The following PKD1L1 variants were observed in gnomAD, a reference collection of about 807,000 sequenced individuals.
The protein encoded by PKD1L1 is polycystin-1-like protein 1.
A neutral mutation model predicts 323.4 loss-of-function variants in PKD1L1; 236 were observed. That is an observed-to-expected ratio of 0.73 (90% CI 0.66 to 0.81). The LOEUF is 0.81. Ranked by LOEUF, PKD1L1 falls within the 40% of genes least tolerant of loss-of-function variation. The pLI is 0.00. For synonymous variants in PKD1L1, 1,344 were observed against 1,335.0 expected (o/e 1.01, Z -0.15); for missense variants, 3,320 against 3,508.0 (o/e 0.95, Z 1.35).
intron 12 of PKD1L1, 123 bp from the exon 13 acceptor site, chr7:47,902,634 A>G (rs1787117912): frequency 8.2e-7 from 1 of 1,220,596 alleles, no homozygotes; most frequent in Non-Finnish European, 1.1e-6. Flanking sequence ...CATCCCATGA[A>G]TAAGAACAGA....
In PKD1L1 at chr7:47,833,386, T is replaced by C; in HGVS notation, c.6175-134A>G. On this transcript the variant is annotated intron_variant, in intron 40 of 56. Transcript: ENST00000289672. ...GGGCGGGGTGTGGTGCTGAGGCCTC[T>C]AAAGACTTCTGAGGGAGGAAGCACA... is the stretch of plus-strand genomic sequence containing the variant. 12 of 957,192 alleles carry C rather than the reference T, an allele frequency of 1.3e-5. No individual in the cohort carries two copies. In the South Asian group the frequency reaches 1.7e-4, roughly 13 times the overall value. The allele number at this position is 957,192 out of a possible 1,614,324, so 59.3% of individuals were successfully genotyped here.
At chr7:47,843,270 G>A (rs1354733953) in intron 33 of PKD1L1, 101 bp from the exon 34 acceptor site, 4 of 879,096 alleles carry the variant, frequency 4.6e-6, no homozygotes, top group East Asian at 5.2e-5. Flanking sequence ...AAAAGTCCCT[G>A]CTGGGCTTCA....
chr7:47,819,643 G>GAAA (rs760100256), intron 46 of PKD1L1: 14 of 822,206 alleles, frequency 1.7e-5, no homozygotes, highest in Admixed American at 9.9e-5. Context: ...ATGCTCAGCA[G>GAAA]AAAAAAAAAA....
intron 56 of PKD1L1, among the ~76,000 whole-genome samples, chr7:47,788,415 T>C (rs922085044): frequency 1.3e-5 from 2 of 149,832 alleles, no homozygotes; most frequent in Admixed American, 1.3e-4. Context: ...CTCAGCCTCC[T>C]GAGTAGTGGG....
chr7:47,851,497 A>G (rs553065101), intron 31 of PKD1L1, among the ~76,000 whole-genome samples: 2 of 152,324 alleles, frequency 1.3e-5, no homozygotes, highest in South Asian at 2.1e-4. Flanking sequence ...GCTCTTCTTT[A>G]CTGAAGAATG....
chr7:47,926,370 A>T (rs1787656966), intron 7 of PKD1L1, among the ~76,000 whole-genome samples: 1 of 152,114 alleles, frequency 6.6e-6, no homozygotes, highest in African/African-American at 2.4e-5. Context: ...CCTGACCCCC[A>T]TCTTTGAGTT....
Position 47,834,271 on chromosome 7 carries a change from G to C in PKD1L1, c.6174+68C>G. 3 of 1,493,156 alleles carry C rather than the reference G, an allele frequency of 2.0e-6. No homozygotes were observed. In the South Asian group the frequency reaches 3.5e-5, roughly 17 times the overall value. The allele number at this position is 1,493,156 out of a possible 1,614,324, so 92.5% of individuals were successfully genotyped here. ...GGCCAGACCATAGCCAAGGGAGGAT[G>C]CCAGAGAAATCTAATTGTTTGCATT... is the stretch of plus-strand genomic sequence containing the variant. On this transcript the variant is annotated intron_variant, in intron 40 of 56. Transcript: ENST00000289672.
Position 47,836,923 on chromosome 7 carries a change from G to A in PKD1L1, c.5941C>T (p.Gln1981Ter). 6.2e-7 allele frequency: 1 copy of A among 1,613,462 alleles called. No individual in the cohort carries two copies. Among genetic ancestry groups the A allele is most frequent in the South Asian group, 1.1e-5 (1 of 90,968 alleles). ...TALVAAGGQEQPHLDVSPTLG... is the reference protein window; with the variant it reads ...TALVAAGGQE The stretch of plus-strand genomic sequence containing the variant: ...TAAGGAAAAGCGATGGCTCTCACCT[G>A]CTCTTGCCCTCCAGCAGCAACCAGG... Residue 1981 changes from glutamine to a stop codon, truncating the protein, a stop_gained and splice_region_variant, in exon 37 of 57, where the codon CAG (glutamine) becomes TAG (stop). Coordinates refer to ENST00000289672, the MANE Select transcript of PKD1L1 (RefSeq NM_138295.5). LOFTEE classifies it high-confidence loss of function.
At position 47,853,241 on chromosome 7, in the gene PKD1L1, A is replaced by G. The variant is rs778620487; in HGVS notation, c.4860-14T>C. 10 of 1,523,568 alleles carry G rather than the reference A, an allele frequency of 6.6e-6. No individual in the cohort carries two copies. The highest frequency in any genetic ancestry group is 7.3e-6 in the Non-Finnish European group (8 of 1,099,438). The allele number at this position is 1,523,568 out of a possible 1,614,324, so 94.4% of individuals were successfully genotyped here. A position where few individuals can be genotyped will look rare whatever the true frequency, so the allele number is the denominator to read the frequency against. On this transcript the variant is annotated splice_polypyrimidine_tract_variant and intron_variant, in intron 30 of 56. Coordinates refer to ENST00000289672, the MANE Select transcript of PKD1L1 (RefSeq NM_138295.5). ...TTCTCAGAGAATCTAGGAGATAAAA[A>G]CAAAATAGGGATTTCTCATTTTTTT...
intron 28 of PKD1L1, among the ~76,000 whole-genome samples, chr7:47,856,892 C>G (rs1363767925): frequency 6.6e-6 from 1 of 150,822 alleles, no homozygotes; most frequent in Non-Finnish European, 1.5e-5. Context: ...CGTACTTGAG[C>G]CAGACTGGGG....
intron 45 of PKD1L1, among the ~76,000 whole-genome samples, chr7:47,823,415 G>A (rs1486025014): frequency 6.6e-6 from 1 of 152,076 alleles, no homozygotes; most frequent in African/African-American, 2.4e-5. Context: ...CCAGTCCATA[G>A]GTATCATCTT....
At chr7:47,876,034 G>A (rs1278239843) in intron 23 of PKD1L1, 63 bp downstream of exon 23, 41 of 1,556,370 alleles carry the variant, frequency 2.6e-5, no homozygotes, top group Non-Finnish European at 3.3e-5. Flanking sequence ...TTGAAAACCA[G>A]GAAAAAAGGT....
chr7:47,924,498 G>T (rs755246479), intron 7 of PKD1L1, among the ~76,000 whole-genome samples: 18 of 152,156 alleles, frequency 1.2e-4, no homozygotes, highest in Non-Finnish European at 2.5e-4. Context: ...GCAACCCTCA[G>T]TTACGTGACT....
At chr7:47,855,364 T>G (rs1785876767) in intron 28 of PKD1L1, 99 bp from the exon 29 acceptor site, 5 of 744,966 alleles carry the variant, frequency 6.7e-6, no homozygotes, top group Non-Finnish European at 8.6e-6. Context: ...CTATTACACT[T>G]ACATAAAATT....
chr7:47,929,323 A>G lies in PKD1L1; in HGVS notation c.941T>C (p.Met314Thr). 5 of 1,614,198 alleles carry G rather than the reference A, an allele frequency of 3.1e-6. No homozygotes were observed. The highest frequency in any genetic ancestry group is 1.1e-5 in the South Asian group (1 of 91,086). ...CAGACAGAGAGCCTCTCCAGAAGCC[A>G]TATGAACACGGAATCCCAGATTTGG... The part of the protein sequence containing the change: ...APPNLGFRVH[M>T]ASGEALCLMM... The change falls in exon 7 of 57, where the codon ATG becomes ACG. Residue 314 changes from methionine to threonine, a missense_variant. Met to Thr is a moderately conservative substitution (Grantham distance 81). Transcript: ENST00000289672.
chr7:47,830,185 A>C, intron 42 of PKD1L1, 61 bp from the exon 43 acceptor site: 1 of 1,406,044 alleles, frequency 7.1e-7, no homozygotes, highest in Non-Finnish European at 1.0e-6. Flanking sequence ...CCCAGCAGTC[A>C]TTGCTGCCTA....
Position 47,803,207 on chromosome 7 carries a change from T to C in PKD1L1, c.7962+3A>G, listed in dbSNP as rs1562937046. On this transcript the variant is annotated splice_donor_region_variant and intron_variant, in intron 53 of 56. Transcript: ENST00000289672. ...ATCACCTGATAAAGGGGAGAGTTCT[T>C]ACCCCTGCTACAAAGATGCTGGGGA... 3 of 1,614,136 alleles carry C rather than the reference T, an allele frequency of 1.9e-6. No homozygotes were observed. The highest frequency in any genetic ancestry group is 1.7e-5 in the Admixed American group (1 of 60,022).
chr7:47,853,875 C>G (rs760842737), intron 30 of PKD1L1, among the ~76,000 whole-genome samples: 1 of 151,866 alleles, frequency 6.6e-6, no homozygotes, highest in South Asian at 2.1e-4. Context: ...ACTGGCTACA[C>G]GTGGTTAGGG....
rs140456142 is a variant in PKD1L1, at chr7:47,811,980, G to A, written c.7418C>T (p.Ser2473Phe). 1,974 of 1,596,836 alleles carry A rather than the reference G, an allele frequency of 1.2e-3. 3 individuals carry two copies. Among genetic ancestry groups the A allele is most frequent in the South Asian group, 2.5e-3 (222 of 87,876 alleles). ...MWIDRSTRAV[S>F]VHFTLYNPPT... The stretch of plus-strand genomic sequence containing the variant: ...AGGGTTATAGAGAGTGAAGTGCACA[G>A]ACACAGCCCTGGTGCTGCGGTCAAT... Residue 2473 changes from serine to phenylalanine, a missense_variant, in exon 50 of 57, where the codon TCT (serine) becomes TTT (phenylalanine). By Grantham distance (155) the Ser-to-Phe change is radical (BLOSUM62 -2). Coordinates refer to ENST00000289672, the MANE Select transcript of PKD1L1 (RefSeq NM_138295.5).
Sources: allele counts gnomAD v4.1 joint callset (sites outside exome capture counted in the v4.1 genomes callset), GRCh38; gene constraint gnomAD v4.1.1; transcripts MANE v1.5; gene names NCBI Gene and HGNC (gene_info 2026-07-23, HGNC 2026-07-21).